OR52N4: variants seen among roughly 807,000 people sequenced by gnomAD.
The protein encoded by OR52N4 is olfactory receptor family 52 subfamily N member 4.
In OR52N4, 15 loss-of-function variants were observed where a neutral mutation model predicts 15.0. The ratio of observed to expected loss-of-function variants is 1.00; its 90% CI spans 0.67 to 1.54. The LOEUF is 1.54. Ranked by LOEUF, OR52N4 falls within the 40% of genes most tolerant of loss-of-function variation. The pLI is 0.00. For missense variants in OR52N4, 421 were observed against 394.0 expected (o/e 1.07, Z -0.58); for synonymous variants, 143 against 143.7 (o/e 1.00, Z 0.03).
At chr11:5,729,450 T>C in the OR52N4 span, among the ~76,000 whole-genome samples, 5 of 152,284 alleles carry the variant, frequency 3.3e-5, 1 homozygote, top group South Asian at 4.1e-4. Context: ...TTAAGATTTA[T>C]ATACAATTCT....
chr11:5,738,144 G>T, the OR52N4 span: 1 of 152,312 alleles, frequency 6.6e-6, no homozygotes, highest in African/African-American at 2.4e-5. Context: ...GTAAACTGGA[G>T]GGCTGACTTT....
At chr11:5,751,863 CT>C (rs1854199187), upstream of OR52N4, among the ~76,000 whole-genome samples, 2 of 152,022 alleles carry the variant, frequency 1.3e-5, no homozygotes, top group Admixed American at 1.3e-4. Flanking sequence ...TTTCTTACCC[CT>C]AGTCAAGGCT....
chr11:5,743,419 G>T, the OR52N4 span, among the ~76,000 whole-genome samples: 1 of 151,984 alleles, frequency 6.6e-6, no homozygotes, highest in Non-Finnish European at 1.5e-5. Flanking sequence ...TTCTGCCCAA[G>T]AACCACAGAA....
the OR52N4 span, among the ~76,000 whole-genome samples, chr11:5,743,264 G>A: frequency 6.6e-6 from 1 of 152,066 alleles, no homozygotes; most frequent in Non-Finnish European, 1.5e-5. Flanking sequence ...AAGTAAAGTG[G>A]TAGAAACAAT....
Position 5,755,259 on chromosome 11 carries a change from C to T in OR52N4, c.519C>T (p.Gly173=), listed in dbSNP as rs372972913. ...FLTKLLPYCR[G]NILPHTYCDH... is the part of the protein sequence containing the mutation. The stretch of plus-strand genomic sequence containing the variant: ...CCAAGCTCCTGCCCTACTGCAGAGG[C>T]AATATACTTCCCCATACCTACTGTG... The change falls in exon 2 of 2, where the codon GGC becomes GGT. Residue 173 remains glycine (G), a synonymous_variant. Coordinates refer to ENST00000641350, the MANE Select transcript of OR52N4 (RefSeq NM_001005175.5). The T allele has an allele frequency of 2.8e-5, 45 of 1,613,892 alleles. 1 individual carries two copies. Among genetic ancestry groups the T allele is most frequent in the South Asian group, 4.4e-5 (4 of 91,074 alleles).
chr11:5,731,252 G>A, the OR52N4 span, among the ~76,000 whole-genome samples: 25 of 152,258 alleles, frequency 1.6e-4, no homozygotes, highest in African/African-American at 5.1e-4. Context: ...CAGTCTAAGC[G>A]CTCTAAGTTG....
chr11:5,748,599 G>C, the OR52N4 span, among the ~76,000 whole-genome samples: 1 of 151,292 alleles, frequency 6.6e-6, no homozygotes, highest in Non-Finnish European at 1.5e-5. Context: ...TTGAACCAGG[G>C]GCCATATTTG....
At chr11:5,731,218 A>G in the OR52N4 span, among the ~76,000 whole-genome samples, 1 of 152,240 alleles carries the variant, frequency 6.6e-6, no homozygotes, top group Non-Finnish European at 1.5e-5. Flanking sequence ...TTGAGGAATT[A>G]CTGCTCTATT....
Position 5,755,200 on chromosome 11 carries a change from G to C in OR52N4, c.460G>C (p.Gly154Arg). 6.2e-7 allele frequency: 1 copy of C among 1,614,006 alleles called. No homozygotes were observed. The highest frequency in any genetic ancestry group is 8.5e-7 in the Non-Finnish European group (1 of 1,179,974). The change falls in exon 2 of 2, where the codon GGG becomes CGG. Residue 154 changes from glycine (G) to arginine (R), a missense_variant. By Grantham distance (125) the Gly-to-Arg change is moderately radical (BLOSUM62 -2). Coordinates refer to ENST00000641350, the MANE Select transcript of OR52N4 (RefSeq NM_001005175.5). ...GGTTGGGACTGCCACCTTCCTGAGA[G>C]GGGTATTACTCATTATTCCCTTTAC... ...AKVGTATFLR[G>R]VLLIIPFTFL... is the part of the protein sequence containing the mutation.
At chr11:5,754,662 T>C (rs1430939210) in intron 1 of OR52N4, 31 bp from the exon 2 acceptor site, 4 of 1,425,004 alleles carry the variant, frequency 2.8e-6, no homozygotes, top group Non-Finnish European at 2.8e-6. Flanking sequence ...AAATAACCTA[T>C]ATTTTCTCTT....
chr11:5,745,890 C>T, the OR52N4 span, among the ~76,000 whole-genome samples: 1 of 152,050 alleles, frequency 6.6e-6, no homozygotes, highest in African/African-American at 2.4e-5. Context: ...GCATAGTAAC[C>T]AAAATGCATG....
chr11:5,748,474 T>C, the OR52N4 span, among the ~76,000 whole-genome samples: 1 of 151,826 alleles, frequency 6.6e-6, no homozygotes. Context: ...TTTTCCTAAT[T>C]TAATATATAA....
Position 5,755,224 on chromosome 11 carries a change from A to G in OR52N4, c.484A>G (p.Thr162Ala). 5 of 1,613,904 alleles carry G rather than the reference A, an allele frequency of 3.1e-6. No individual in the cohort carries two copies. The highest frequency in any genetic ancestry group is 3.4e-6 in the Non-Finnish European group (4 of 1,179,936). The change falls in exon 2 of 2, where the codon ACT (threonine) becomes GCT (alanine). Residue 162 changes from threonine (T) to alanine (A), a missense_variant. Coordinates refer to ENST00000641350, the MANE Select transcript of OR52N4 (RefSeq NM_001005175.5). ...AGGGGTATTACTCATTATTCCCTTT[A>G]CTTTCCTCACCAAGCTCCTGCCCTA... is the stretch of plus-strand genomic sequence containing the variant. ...LRGVLLIIPF[T>A]FLTKLLPYCR... is the part of the protein sequence containing the mutation.
the OR52N4 span, among the ~76,000 whole-genome samples, chr11:5,731,548 T>A: frequency 6.6e-6 from 1 of 152,210 alleles, no homozygotes; most frequent in Non-Finnish European, 1.5e-5. Flanking sequence ...GGTCCAAACA[T>A]TTCCCTAAAA....
At chr11:5,753,249 C>T (rs768676287), upstream of OR52N4, among the ~76,000 whole-genome samples, 4 of 152,078 alleles carry the variant, frequency 2.6e-5, no homozygotes, top group African/African-American at 7.2e-5. Flanking sequence ...AATGAGAGTT[C>T]CAGTTGTTCT....
chr11:5,740,789 C>T, the OR52N4 span, among the ~76,000 whole-genome samples: 89,063 of 123,294 alleles, frequency 0.72, 38,526 homozygotes, highest in Non-Finnish European at 0.83. Flanking sequence ...CCTAGTGGAG[C>T]GTACAGTAAG....
In OR52N4 at chr11:5,755,234, C is replaced by A; in HGVS notation, c.494C>A (p.Thr165Asn). Residue 165 changes from threonine (T) to asparagine (N), a missense_variant, in exon 2 of 2, where the codon ACC becomes AAC. By Grantham distance (65) the Thr-to-Asn change is moderately conservative. Coordinates refer to ENST00000641350, the MANE Select transcript of OR52N4 (RefSeq NM_001005175.5). Reference protein sequence around the residue: ...VLLIIPFTFLTKLLPYCRGNI... With the variant: ...VLLIIPFTFLNKLLPYCRGNI... ...CTCATTATTCCCTTTACTTTCCTCA[C>A]CAAGCTCCTGCCCTACTGCAGAGGC... The A allele has an allele frequency of 3.1e-6, 5 of 1,614,044 alleles. No homozygotes were observed. The highest frequency in any genetic ancestry group is 4.2e-6 in the Non-Finnish European group (5 of 1,179,988).
rs547409437 is a variant in OR52N4 at position 5,754,979 on chromosome 11, T to C, written c.239T>C (p.Ile80Thr). The C allele has an allele frequency of 7.8e-5, 126 of 1,613,912 alleles. 2 individuals are homozygous for C. The African/African-American group carries it at 1.3e-3, about 16-fold the overall frequency. The change falls in exon 2 of 2, where the codon ATC (isoleucine) becomes ACC (threonine). Residue 80 changes from isoleucine to threonine, a missense_variant. Physicochemically the swap from Ile to Thr is moderately conservative, Grantham distance 89 (BLOSUM62 -1). Transcript: ENST00000641350. ...GACCTTGTTATGTGCTCTAGTACAA[T>C]CCCTAAAGCCCTCTGCATCTTCTGG... The part of the protein sequence containing the change: ...FTDLVMCSST[I>T]PKALCIFWFH...
chr11:5,737,521 A>G, the OR52N4 span: 1 of 1,572,968 alleles, frequency 6.4e-7, no homozygotes, highest in Non-Finnish European at 8.6e-7. Flanking sequence ...CATGAACCTC[A>G]GCTTCTCCTA....
Sources: gnomAD v4.1 joint callset for allele counts (sites outside exome capture counted in the v4.1 genomes callset) on GRCh38, gnomAD v4.1.1 for gene constraint, MANE v1.5 for transcripts, NCBI Gene and HGNC (gene_info 2026-07-23, HGNC 2026-07-21) for gene names.